Variants in PARD3B observed in about 807,000 individuals in gnomAD.
PARD3B encodes the protein par-3 family cell polarity regulator beta.
Under a neutral mutation model 130.2 loss-of-function variants are expected in PARD3B, and 103 were observed. The observed-to-expected ratio is 0.79, with a 90% CI of 0.67 to 0.93. The LOEUF (loss-of-function observed/expected upper bound fraction) is 0.93, where lower values mean the gene tolerates loss of function less well. PARD3B is among the 40% of genes least tolerant of loss of function. The pLI is 0.00. For missense variants in PARD3B, 1,609 were observed against 1,499.2 expected, an observed-to-expected ratio of 1.07 and a Z score of -1.21; for synonymous variants, 583 against 553.2, an observed-to-expected ratio of 1.05 and a Z score of -0.76.
chr2:205,178,098 A>C (rs1261068093), intron 13 of PARD3B, among the ~76,000 whole-genome samples: 1 of 131,190 alleles, frequency 7.6e-6, no homozygotes, highest in Non-Finnish European at 1.6e-5. Context: ...CTAAGGTCGG[A>C]AGTTCGAGAC....
chr2:205,201,157 A>G (rs1416171942), intron 15 of PARD3B, among the ~76,000 whole-genome samples: 2 of 152,206 alleles, frequency 1.3e-5, no homozygotes, highest in African/African-American at 4.8e-5. Context: ...AAGAATAAAG[A>G]TATTATGCCT....
intron 15 of PARD3B, among the ~76,000 whole-genome samples, chr2:205,194,847 G>C (rs2036584906): frequency 6.6e-6 from 1 of 151,738 alleles, no homozygotes; most frequent in African/African-American, 2.4e-5. Context: ...GCAGTAGTGC[G>C]ATCTCGGCTC....
intron 21 of PARD3B, among the ~76,000 whole-genome samples, chr2:205,518,469 G>T (rs188147324): frequency 6.5e-4 from 99 of 152,042 alleles, no homozygotes; most frequent in African/African-American, 2.3e-3. Context: ...GAGCCTACAG[G>T]TGTCATTTCA....
At chr2:205,333,094 G>T (rs1000729771) in intron 18 of PARD3B, among the ~76,000 whole-genome samples, 6 of 152,116 alleles carry the variant, frequency 3.9e-5, no homozygotes, top group Non-Finnish European at 8.8e-5. Flanking sequence ...TTACTTAGTA[G>T]AGGGGTTTTA....
intron 3 of PARD3B, among the ~76,000 whole-genome samples, chr2:204,981,290 A>G (rs1692646337): frequency 6.6e-6 from 1 of 152,214 alleles, no homozygotes; most frequent in South Asian, 2.1e-4. Context: ...ATCCCTATTC[A>G]TATCAATCTC....
intron 1 of PARD3B, among the ~76,000 whole-genome samples, chr2:204,574,210 C>A (rs1041227711): frequency 1.3e-5 from 2 of 152,174 alleles, no homozygotes; most frequent in Non-Finnish European, 2.9e-5. Context: ...GCAATAGTAG[C>A]TGTTGATTAG....
At chr2:204,991,045 A>G (rs1356323003) in intron 3 of PARD3B, among the ~76,000 whole-genome samples, 1 of 151,762 alleles carries the variant, frequency 6.6e-6, no homozygotes, top group Admixed American at 6.6e-5. Context: ...CTGCTTCTGG[A>G]TGCTCTAAAC....
chr2:204,833,085 A>G (rs1475132757), intron 2 of PARD3B, among the ~76,000 whole-genome samples: 1 of 152,228 alleles, frequency 6.6e-6, no homozygotes, highest in Non-Finnish European at 1.5e-5. Context: ...GTTACCTAAC[A>G]GTGATTTCAT....
chr2:205,349,780 A>G (rs2043924841), intron 18 of PARD3B, among the ~76,000 whole-genome samples: 1 of 147,716 alleles, frequency 6.8e-6, no homozygotes, highest in African/African-American at 2.5e-5. Context: ...AAGGAAGGAA[A>G]TGTATCTTTT....
chr2:205,227,181 C>G (rs1200806703), intron 15 of PARD3B, among the ~76,000 whole-genome samples: 1 of 152,002 alleles, frequency 6.6e-6, no homozygotes, highest in Non-Finnish European at 1.5e-5. Flanking sequence ...GTTCTATGAA[C>G]ATCTATTTAG....
Position 205,473,814 on chromosome 2 carries a change from G to A in PARD3B, c.3045-26082G>A, listed in dbSNP as rs1376290405. Among the ~76,000 whole-genome samples, 2 of 149,040 alleles carry A rather than the reference G, an allele frequency of 1.3e-5. No individual in the cohort carries two copies. ...CTTGCAGTTCAACCTGTTGTCTTAC[G>A]AAAGGGGAGATATTCTTTTCTTTGT... On this transcript the variant is annotated intron_variant, in intron 20 of 22. Coordinates refer to ENST00000406610, the MANE Select transcript of PARD3B (RefSeq NM_001302769.2). This position sits in a 1 kb window ranked among gnomAD's most constrained non-coding sequence, Gnocchi z 4.9.
rs760289426 is a variant in PARD3B, at chr2:205,300,903, T to A, written c.2392+167T>A. ...TGATATGTTTTGCCCTTTGGCTTAA[T>A]GAACATGGAATTGGAGAACACAATA... On this transcript the variant is annotated intron_variant, in intron 17 of 22. Coordinates refer to ENST00000406610, the MANE Select transcript of PARD3B (RefSeq NM_001302769.2). This position sits in a 1 kb window ranked among gnomAD's most constrained non-coding sequence, Gnocchi z 4.1. Among the ~76,000 whole-genome samples the A allele has an allele frequency of 2.0e-5, 3 of 152,274 alleles. No homozygotes were observed. The highest frequency in any genetic ancestry group is 2.9e-5 in the Non-Finnish European group (2 of 68,046).
At chr2:205,459,119 A>G (rs1030508673) in intron 20 of PARD3B, among the ~76,000 whole-genome samples, 1 of 152,016 alleles carries the variant, frequency 6.6e-6, no homozygotes, top group African/African-American at 2.4e-5. Context: ...CACTCTGCTC[A>G]TTTTCTTAGC....
intron 2 of PARD3B, among the ~76,000 whole-genome samples, chr2:204,876,268 C>T (rs145592324): frequency 6.6e-6 from 1 of 152,322 alleles, no homozygotes; most frequent in African/African-American, 2.4e-5. Flanking sequence ...TTCCAGAACC[C>T]TCTTTCCAAA....
intron 5 of PARD3B, among the ~76,000 whole-genome samples, chr2:205,108,159 C>T (rs1441082572): frequency 2.0e-5 from 3 of 152,180 alleles, no homozygotes; most frequent in Non-Finnish European, 2.9e-5. Context: ...AATCATTGCT[C>T]AAGCCTCTGT....
rs763617918 is a variant in PARD3B, at chr2:205,288,618, T to C, written c.2186-11912T>C. 4.6e-5 allele frequency among the ~76,000 whole-genome samples: 7 copies of C among 152,334 alleles called. No homozygotes were observed. The highest frequency in any genetic ancestry group is 1.0e-4 in the Non-Finnish European group (7 of 68,030). On this transcript the variant is annotated intron_variant, in intron 16 of 22. Transcript: ENST00000406610. The surrounding 1 kb of genome is among the most constrained non-coding windows in gnomAD (Gnocchi z 4.0). ...AGCCCTTCATGCCTTTACTTTATCC[T>C]TTCTACTCATGTTTATTTCCCACCA...
chr2:205,232,777 G>A (rs1411807622), intron 15 of PARD3B, among the ~76,000 whole-genome samples: 2 of 152,116 alleles, frequency 1.3e-5, no homozygotes, highest in African/African-American at 2.4e-5. Context: ...CTGGATGAGA[G>A]TAACAGCAAA....
At chr2:205,019,317 T>C (rs1393657124) in intron 3 of PARD3B, among the ~76,000 whole-genome samples, 1 of 152,178 alleles carries the variant, frequency 6.6e-6, no homozygotes, top group Non-Finnish European at 1.5e-5. Context: ...TATCAGTACT[T>C]TATTTTCTTT....
At position 205,047,672 on chromosome 2, in the gene PARD3B, T is replaced by TCCAGTAGGTATC; in HGVS notation, c.487_488insCAGTAGGTATCC (p.Ser162_Leu163insProValGlyIle). On this transcript the variant is annotated inframe_insertion, in exon 4 of 23. Transcript: ENST00000406610. ...GCGCTTCACACCCTGGTGGCCAGAG[T>TCCAGTAGGTATC]CTGAAACTGGTTGTTCCAGTAGGTA... 1 of 1,548,674 alleles carries TCCAGTAGGTATC rather than the reference T, an allele frequency of 6.5e-7. No homozygotes were observed. Among genetic ancestry groups the TCCAGTAGGTATC allele is most frequent in the South Asian group, 1.2e-5 (1 of 83,968 alleles).
Sources: gnomAD v4.1 joint callset for allele counts (sites outside exome capture counted in the v4.1 genomes callset) on GRCh38, gnomAD v4.1.1 for gene constraint, Gnocchi (gnomAD v3.1) non-coding constraint, MANE v1.5 for transcripts, NCBI Gene and HGNC (gene_info 2026-07-23, HGNC 2026-07-21) for gene names.